IFT172: variants seen among roughly 807,000 people sequenced by gnomAD.
The protein encoded by IFT172 is intraflagellar transport protein 172 homolog.
In IFT172, 164 loss-of-function variants were observed where a neutral mutation model predicts 248.9. The observed-to-expected ratio is 0.66, with a 90% CI of 0.58 to 0.75. The LOEUF (loss-of-function observed/expected upper bound fraction) is 0.75, where lower values mean the gene tolerates loss of function less well. Among genes scored for constraint, IFT172 ranks in the 30% least tolerant of loss-of-function variants. The pLI is 0.00. For synonymous variants in IFT172, 729 were observed against 791.6 expected (o/e 0.92, Z 1.33); for missense variants, 1,950 against 2,192.4 (o/e 0.89, Z 2.21).
In IFT172 at chr2:27,459,738, A is replaced by G; in HGVS notation, c.2613T>C (p.Asp871=). ...CTTCGATGTAGTGATTAATGGCTGC[A>G]TCAAGCTGCTTCTGCTGCACCAGGT... ...GDHLVQQKQL[D]AAINHYIEAR... is the part of the protein sequence containing the mutation. Residue 871 remains aspartate, a synonymous_variant, in exon 24 of 48, where the codon GAT becomes GAC. Transcript: ENST00000260570. 6.2e-7 allele frequency: 1 copy of G among 1,612,972 alleles called. No individual in the cohort carries two copies. The highest frequency in any genetic ancestry group is 8.5e-7 in the Non-Finnish European group (1 of 1,180,020).
chr2:27,463,830 C>G (rs190104713), intron 18 of IFT172, among the ~76,000 whole-genome samples: 193 of 152,272 alleles, frequency 1.3e-3, no homozygotes, highest in African/African-American at 4.5e-3. Flanking sequence ...TTGGCACACT[C>G]ACAGAGCCAA....
intron 14 of IFT172, among the ~76,000 whole-genome samples, chr2:27,472,751 A>G (rs1486234848): frequency 2.6e-5 from 4 of 152,240 alleles, no homozygotes; most frequent in African/African-American, 7.2e-5. Context: ...GTGTAAGAGC[A>G]CTGCAAGGGT....
rs369619429 is a variant in IFT172 at position 27,454,330 on chromosome 2, T to G, written c.3530+24A>C. On this transcript the variant is annotated intron_variant, in intron 32 of 47. Coordinates refer to ENST00000260570, the MANE Select transcript of IFT172 (RefSeq NM_015662.3). This position sits in a 1 kb window ranked among gnomAD's most constrained non-coding sequence, Gnocchi z 4.2. Reference sequence around the variant, plus strand: ...GGGACGGTGACTGGGGAAACAGTATTAAGGAATGTATGGGGTAACTCACAT... The same window carrying G: ...GGGACGGTGACTGGGGAAACAGTATGAAGGAATGTATGGGGTAACTCACAT... The G allele has an allele frequency of 1.2e-6, 2 of 1,613,804 alleles. No individual in the cohort carries two copies.
At chr2:27,482,023 G>A (rs183168397) in intron 7 of IFT172, among the ~76,000 whole-genome samples, 194 of 149,912 alleles carry the variant, frequency 1.3e-3, no homozygotes, top group African/African-American at 4.6e-3. Context: ...TCACTCTGTC[G>A]CCGGGGCTGC....
rs535899677 is a variant in IFT172 at position 27,460,832 on chromosome 2, C to G, written c.2521+183G>C. ...CTCCATATGCTGAACGCTGGTTCCC[C>G]GGGTCCCCTTATTTCTTTCTCTATA... On this transcript the variant is annotated intron_variant, in intron 23 of 47. Transcript: ENST00000260570. Among the ~76,000 whole-genome samples, 1,665 of 141,594 alleles carry G rather than the reference C, an allele frequency of 0.012. 11 individuals carry two copies. Among genetic ancestry groups the G allele is most frequent in the Non-Finnish European group, 0.018 (1,158 of 65,360 alleles). The allele number at this position is 141,594 out of a possible 152,430, so 92.9% of individuals were successfully genotyped here. A position where few individuals can be genotyped will look rare whatever the true frequency, so the allele number is the denominator to read the frequency against.
intron 1 of IFT172, among the ~76,000 whole-genome samples, chr2:27,487,582 T>C (rs982206046): frequency 5.3e-5 from 8 of 152,108 alleles, no homozygotes; most frequent in African/African-American, 1.9e-4. Context: ...GGTAGGACCA[T>C]GATTTATTTA....
chr2:27,484,280 G>T lies in IFT172; in HGVS notation c.297-14C>A. On this transcript the variant is annotated splice_polypyrimidine_tract_variant and intron_variant, in intron 3 of 47. Transcript: ENST00000260570. Reference sequence around the variant, plus strand: ...TTCTTGTCACCCCTGCCAAACAAAAGAAGGGGAAACATATTAAAAACCACT... The same window carrying T: ...TTCTTGTCACCCCTGCCAAACAAAATAAGGGGAAACATATTAAAAACCACT... 6.2e-7 allele frequency: 1 copy of T among 1,613,636 alleles called. No homozygotes were observed. Among genetic ancestry groups the T allele is most frequent in the South Asian group, 1.1e-5 (1 of 91,078 alleles).
intron 1 of IFT172, among the ~76,000 whole-genome samples, chr2:27,488,206 T>G (rs1572843415): frequency 6.6e-6 from 1 of 151,948 alleles, no homozygotes; most frequent in Non-Finnish European, 1.5e-5. Flanking sequence ...CAGGCTGGAG[T>G]GCAGTGGCAC....
At chr2:27,448,280 T>C (rs528695615) in intron 40 of IFT172, among the ~76,000 whole-genome samples, 1 of 152,176 alleles carries the variant, frequency 6.6e-6, no homozygotes, top group Non-Finnish European at 1.5e-5. Flanking sequence ...TTTATATTTT[T>C]AGTAGAGACG....
At chr2:27,472,054 G>A (rs78100091) in intron 15 of IFT172, 196 bp downstream of exon 15, 14 of 537,794 alleles carry the variant, frequency 2.6e-5, no homozygotes, top group South Asian at 5.4e-5. Context: ...AAAAAAAAAA[G>A]AGGTAATAAA....
intron 38 of IFT172, 24 bp from the exon 39 acceptor site, chr2:27,449,404 A>G: frequency 6.2e-7 from 1 of 1,614,144 alleles, no homozygotes; most frequent in Non-Finnish European, 8.5e-7. Context: ...AGACAGAGTT[A>G]CAAGAGAAAA....
rs1037692612 is a variant in IFT172 at position 27,470,872 on chromosome 2, T to C, written c.1692+56A>G. 4.1e-6 allele frequency: 6 copies of C among 1,474,406 alleles called. No homozygotes were observed. In the Admixed American group the frequency reaches 7.5e-5, roughly 18 times the overall value. 91.3% of individuals were successfully genotyped at this position (1,474,406 alleles called of 1,614,324 possible). ...CCAAGTAGCCTTCAGAGTCTCCTCA[T>C]GGCTCTAATTAATCAGCTCAATACC... On this transcript the variant is annotated intron_variant, in intron 16 of 47. Coordinates refer to ENST00000260570, the MANE Select transcript of IFT172 (RefSeq NM_015662.3).
chr2:27,462,653 T>C, intron 20 of IFT172, 48 bp downstream of exon 20: 1 of 1,534,816 alleles, frequency 6.5e-7, no homozygotes, highest in Non-Finnish European at 9.0e-7. Flanking sequence ...CTTTTCTCTC[T>C]TTTTCCCTCA....
At chr2:27,488,444 G>A (rs996933374) in intron 1 of IFT172, among the ~76,000 whole-genome samples, 60 of 152,206 alleles carry the variant, frequency 3.9e-4, no homozygotes, top group African/African-American at 6.5e-4. Context: ...GTGAGCCACC[G>A]CACCTGGTCA....
Position 27,455,861 on chromosome 2 carries a change from A to G in IFT172, c.3371+650T>C, listed in dbSNP as rs111683331. Reference sequence around the variant, plus strand: ...GGGAAAATCCTGGGATTCTTTTTCTAGAGATGTAATACATATTTACAAATA... The same window carrying G: ...GGGAAAATCCTGGGATTCTTTTTCTGGAGATGTAATACATATTTACAAATA... On this transcript the variant is annotated intron_variant, in intron 30 of 47. Coordinates refer to ENST00000260570, the MANE Select transcript of IFT172 (RefSeq NM_015662.3). The G allele has an allele frequency of 1.6e-3, 710 of 433,378 alleles. 9 individuals are homozygous for G. The highest frequency in any genetic ancestry group is 0.013 in the African/African-American group (643 of 47,794). 26.8% of individuals were successfully genotyped at this position (433,378 alleles called of 1,614,324 possible).
At chr2:27,462,834 T>A in intron 19 of IFT172, 41 bp from the exon 20 acceptor site, 1 of 1,588,178 alleles carries the variant, frequency 6.3e-7, no homozygotes, top group Admixed American at 1.7e-5. Flanking sequence ...CTGTAGGTGC[T>A]GCCATTCTGT....
chr2:27,447,784 A>G, intron 41 of IFT172, 28 bp downstream of exon 41: 2 of 1,587,990 alleles, frequency 1.3e-6, no homozygotes, highest in African/African-American at 2.7e-5. Flanking sequence ...GGACAAGGAC[A>G]GACGGAGCAG....
chr2:27,445,849 G>A lies in IFT172; in HGVS notation c.4816-6C>T, dbSNP rs367782557. ...AGAGTCCCTTCCTCGATTGCCTGCA[G>A]TAGAGTGGGCAACCATGAACTAGGC... On this transcript the variant is annotated splice_region_variant and splice_polypyrimidine_tract_variant and intron_variant, in intron 44 of 47. Transcript: ENST00000260570. The surrounding 1 kb of genome is among the most constrained non-coding windows in gnomAD (Gnocchi z 4.4). 7.3e-5 allele frequency: 118 copies of A among 1,614,064 alleles called. No homozygotes were observed. The highest frequency in any genetic ancestry group is 9.8e-5 in the Non-Finnish European group (116 of 1,180,020).
intron 5 of IFT172, 58 bp from the exon 6 acceptor site, chr2:27,483,717 C>T (rs1668549242): frequency 6.3e-7 from 1 of 1,581,058 alleles, no homozygotes; most frequent in Non-Finnish European, 8.7e-7. Context: ...TAACTAGGCC[C>T]TAAGAAAAAA....
Sources: gnomAD v4.1 joint callset for allele counts (sites outside exome capture counted in the v4.1 genomes callset) on GRCh38, gnomAD v4.1.1 for gene constraint, Gnocchi (gnomAD v3.1) non-coding constraint, MANE v1.5 for transcripts, NCBI Gene and HGNC (gene_info 2026-07-23, HGNC 2026-07-21) for gene names.